The following DNAH12 variants were observed in gnomAD, a reference collection of about 807,000 sequenced individuals.
DNAH12 encodes the protein axonemal beta dynein heavy chain 12.
In DNAH12, 285 loss-of-function variants were observed where a neutral mutation model predicts 371.5. The observed-to-expected ratio is 0.77, with a 90% CI of 0.70 to 0.85. DNAH12 has a LOEUF of 0.85. Ranked by LOEUF, DNAH12 falls within the 40% of genes least tolerant of loss-of-function variation. DNAH12 has a pLI of 0.00. For missense variants in DNAH12, 3,611 were observed against 3,689.4 expected (o/e 0.98, Z 0.55); for synonymous variants, 1,200 against 1,213.0 (o/e 0.99, Z 0.22).
intron 33 of DNAH12, 39 bp downstream of exon 33, chr3:57,429,652 A>G: frequency 2.0e-6 from 3 of 1,494,230 alleles, no homozygotes; most frequent in Non-Finnish European, 2.7e-6. Context: ...AAGAATGAAG[A>G]AATGAACAAA....
chr3:57,388,417 T>C (rs2063538723), intron 45 of DNAH12, among the ~76,000 whole-genome samples: 2 of 152,180 alleles, frequency 1.3e-5, no homozygotes, highest in African/African-American at 4.8e-5. Flanking sequence ...ATGCTTATAA[T>C]TTTTTTCCTT....
At chr3:57,402,393 C>T in intron 43 of DNAH12, 1 of 1,304,938 alleles carries the variant, frequency 7.7e-7, no homozygotes, top group Admixed American at 2.3e-5. Flanking sequence ...AGTATGCACT[C>T]CACTATCCTG....
chr3:57,415,773 CTTTTTAT>C (rs1210123352), intron 37 of DNAH12, among the ~76,000 whole-genome samples: 1 of 145,294 alleles, frequency 6.9e-6, no homozygotes, highest in East Asian at 2.0e-4. Context: ...TATTTTGTGT[CTTTTTAT>C]TTTTTATTCT....
chr3:57,444,657 T>C, intron 29 of DNAH12, 40 bp downstream of exon 29: 1 of 1,542,888 alleles, frequency 6.5e-7, no homozygotes, highest in South Asian at 1.2e-5. Context: ...ATCGGATGAA[T>C]TTATTATGCC....
In DNAH12 at chr3:57,309,785, G is replaced by A; in HGVS notation, c.10966C>T (p.Gln3656Ter). ...HENVDISKDLQQTKTLFESLL... is the reference protein window; with the variant it reads ...HENVDISKDL ...GACTCAAAGAGGGTTTTTGTTTGTT[G>A]AAGATCCTTGGAGATGTCAACGTTT... The change falls in exon 68 of 74, where the codon CAA becomes TAA. Residue 3656 changes from glutamine to a stop codon, truncating the protein, a stop_gained. Coordinates refer to ENST00000495027, the MANE Select transcript of DNAH12 (RefSeq NM_001366028.2). LOFTEE classifies it high-confidence loss of function. 1.9e-6 allele frequency: 3 copies of A among 1,551,468 alleles called. No individual in the cohort carries two copies. The highest frequency in any genetic ancestry group is 1.2e-5 in the South Asian group (1 of 84,026).
At chr3:57,409,280 T>C (rs1575560880) in intron 39 of DNAH12, among the ~76,000 whole-genome samples, 1 of 152,104 alleles carries the variant, frequency 6.6e-6, no homozygotes, top group Non-Finnish European at 1.5e-5. Flanking sequence ...ATACAGAGGC[T>C]GGGGTAGGAG....
At chr3:57,508,598 G>A in intron 6 of DNAH12, 58 bp from the exon 7 acceptor site, 1 of 1,537,558 alleles carries the variant, frequency 6.5e-7, no homozygotes. Flanking sequence ...TAAACTTTAG[G>A]AAATAATGCT....
chr3:57,553,885 C>T, the DNAH12 span, among the ~76,000 whole-genome samples: 2 of 149,410 alleles, frequency 1.3e-5, no homozygotes, highest in African/African-American at 4.9e-5. Flanking sequence ...AGGGCAGTGG[C>T]GCGATCTCGG....
In DNAH12 at chr3:57,403,347, T is replaced by C. The variant is rs1553679722; in HGVS notation, c.6910A>G (p.Lys2304Glu). The change falls in exon 43 of 74, where the codon AAG becomes GAG. Residue 2304 changes from lysine (K) to glutamate (E), a missense_variant. Lys to Glu is a moderately conservative substitution (Grantham distance 56). Coordinates refer to ENST00000495027, the MANE Select transcript of DNAH12 (RefSeq NM_001366028.2). ...KMHIFQPEIS[K>E]SYGMNEWRED... ...CTCCATTCATTCATACCATAGCTCT[T>C]AGAAATTTCTGGTTGGAAAATATGC... The C allele has an allele frequency of 1.9e-6, 3 of 1,551,164 alleles. No individual in the cohort carries two copies. In the East Asian group the frequency reaches 7.3e-5, roughly 38 times the overall value.
intron 65 of DNAH12, among the ~76,000 whole-genome samples, chr3:57,321,849 T>A (rs1056701250): frequency 6.6e-6 from 1 of 152,160 alleles, no homozygotes; most frequent in Non-Finnish European, 1.5e-5. Context: ...CCTTAAAGTC[T>A]CCAGTACTGT....
At chr3:57,295,478 C>A in intron 73 of DNAH12, 47 bp downstream of exon 73, 1 of 1,506,840 alleles carries the variant, frequency 6.6e-7, no homozygotes, top group East Asian at 2.5e-5. Context: ...AATATCCATC[C>A]TTATTCTCCC....
intron 62 of DNAH12, among the ~76,000 whole-genome samples, chr3:57,326,774 A>C (rs2061958476): frequency 6.6e-6 from 1 of 152,206 alleles, no homozygotes; most frequent in African/African-American, 2.4e-5. Context: ...CAAATTGGAT[A>C]AAGAGTCAAG....
chr3:57,400,018 G>A (rs2063824253), intron 43 of DNAH12, among the ~76,000 whole-genome samples: 1 of 152,248 alleles, frequency 6.6e-6, no homozygotes, highest in Admixed American at 6.5e-5. Context: ...GCTAAGCACA[G>A]TGGCTCAAGC....
chr3:57,333,100 TTTATTA>T (rs1187422363), intron 62 of DNAH12, among the ~76,000 whole-genome samples: 1 of 152,018 alleles, frequency 6.6e-6, no homozygotes, highest in Non-Finnish European at 1.5e-5. Flanking sequence ...TCTTTTTTAT[TTTATTA>T]TTATTTTTTA....
chr3:57,512,684 C>T (rs1302924593), intron 4 of DNAH12: 1 of 152,170 alleles, frequency 6.6e-6, no homozygotes, highest in Non-Finnish European at 1.5e-5. Context: ...ACCAGAAATA[C>T]CTTTTGACCC....
intron 12 of DNAH12, among the ~76,000 whole-genome samples, chr3:57,486,181 C>CAAAAAA (rs11338004): frequency 8.2e-6 from 1 of 121,310 alleles, no homozygotes. Context: ...GACTCCATCT[C>CAAAAAA]AAAAAAAAAA....
At chr3:57,494,008 G>A (rs954518427) in intron 11 of DNAH12, among the ~76,000 whole-genome samples, 3 of 152,164 alleles carry the variant, frequency 2.0e-5, no homozygotes, top group Non-Finnish European at 2.9e-5. Flanking sequence ...TGAGGCAGGA[G>A]GATCACTTGC....
Position 57,433,742 on chromosome 3 carries a change from C to T in DNAH12, c.4742G>A (p.Gly1581Asp), listed in dbSNP as rs1430093275. The stretch of plus-strand genomic sequence containing the variant: ...AATGACCTTTTCTTCCTCTCCATAG[C>T]CATGTTCATTCATTAAAGTTAGCGT... ...ADTLTLMNEH[G>D]YGEEEKVIYR... is the part of the protein sequence containing the mutation. Residue 1581 changes from glycine (G) to aspartate (D), a missense_variant, in exon 31 of 74, where the codon GGC becomes GAC. By Grantham distance (94) the Gly-to-Asp change is moderately conservative. Around this residue, in one of 3 missense-constraint regions of DNAH12, gnomAD observed 2,266 missense variants for 2,236.9 expected, o/e 1.01. Coordinates refer to ENST00000495027, the MANE Select transcript of DNAH12 (RefSeq NM_001366028.2). 8 of 1,551,392 alleles carry T rather than the reference C, an allele frequency of 5.2e-6. No homozygotes were observed. Among genetic ancestry groups the T allele is most frequent in the Non-Finnish European group, 7.0e-6 (8 of 1,146,904 alleles).
intron 55 of DNAH12, among the ~76,000 whole-genome samples, chr3:57,368,838 T>A (rs1308149690): frequency 6.6e-6 from 1 of 152,174 alleles, no homozygotes; most frequent in Non-Finnish European, 1.5e-5. Flanking sequence ...TGTGCTTTTC[T>A]CTTCCTCATG....
Sources: allele counts gnomAD v4.1 joint callset (sites outside exome capture counted in the v4.1 genomes callset), GRCh38; gene constraint gnomAD v4.1.1; regional missense constraint gnomAD v4.1.1; transcripts MANE v1.5; gene names NCBI Gene and HGNC (gene_info 2026-07-23, HGNC 2026-07-21).